Variants in CRTAP observed in about 807,000 individuals in gnomAD.
The protein encoded by CRTAP is cartilage associated protein.
CRTAP carries 33 observed loss-of-function variants against 42.7 expected under a neutral mutation model. The ratio of observed to expected loss-of-function variants is 0.77; its 90% CI spans 0.59 to 1.03. The LOEUF (loss-of-function observed/expected upper bound fraction) is 1.03, where lower values mean the gene tolerates loss of function less well. Ranked by LOEUF, CRTAP falls within the 50% of genes least tolerant of loss-of-function variation. CRTAP has a pLI of 0.00. For missense variants in CRTAP, 613 were observed against 533.9 expected (o/e 1.15, Z -1.46); for synonymous variants, 243 against 217.7 (o/e 1.12, Z -1.02).
chr3:33,132,461 G>C, intron 4 of CRTAP, 94 bp from the exon 5 acceptor site: 1 of 1,555,690 alleles, frequency 6.4e-7, no homozygotes, highest in South Asian at 1.1e-5. Flanking sequence ...CTGTGGAGAA[G>C]GGGCTTGTTC....
intron 3 of CRTAP, among the ~76,000 whole-genome samples, chr3:33,125,390 T>G (rs891245343): frequency 6.6e-6 from 1 of 151,712 alleles, no homozygotes; most frequent in Non-Finnish European, 1.5e-5. Context: ...TTAGAAATCC[T>G]GCAGTAGAGA....
At position 33,145,391 on chromosome 3, in the gene CRTAP, A is replaced by G. The variant is rs115684525; in HGVS notation, c.*2943A>G. ...TGCACCGTGTCCACAGCAGCCCCCAATCCCAGCGATGCGTCAGATCTTACG... is the reference window on the plus strand; with the variant it reads ...TGCACCGTGTCCACAGCAGCCCCCAGTCCCAGCGATGCGTCAGATCTTACG... On this transcript the variant is annotated 3_prime_UTR_variant, in exon 7 of 7. Coordinates refer to ENST00000320954, the MANE Select transcript of CRTAP (RefSeq NM_006371.5). This position sits in a 1 kb window ranked among gnomAD's most constrained non-coding sequence, Gnocchi z 4.3. The G allele has an allele frequency of 4.5e-3, 684 of 152,472 alleles. 5 individuals are homozygous for G. The highest frequency in any genetic ancestry group is 0.01 in the Middle Eastern group (3 of 294). 9.4% of individuals were successfully genotyped at this position (152,472 alleles called of 1,614,324 possible).
chr3:33,136,115 C>G (rs2030413071), intron 6 of CRTAP, among the ~76,000 whole-genome samples: 1 of 152,154 alleles, frequency 6.6e-6, no homozygotes, highest in African/African-American at 2.4e-5. Context: ...TGTGGATTTG[C>G]CTGTTGTGGA....
intron 3 of CRTAP, among the ~76,000 whole-genome samples, chr3:33,125,724 T>A (rs1252939457): frequency 6.6e-6 from 1 of 152,132 alleles, no homozygotes; most frequent in Non-Finnish European, 1.5e-5. Flanking sequence ...AATATTTCAG[T>A]ATATACCTTT....
intron 1 of CRTAP, 67 bp downstream of exon 1, chr3:33,114,615 C>T: frequency 1.4e-6 from 2 of 1,455,340 alleles, no homozygotes; most frequent in Non-Finnish European, 1.9e-6. Flanking sequence ...GCCCTAGCCC[C>T]GCCCCTGCGC....
intron 6 of CRTAP, 147 bp from the exon 7 acceptor site, chr3:33,142,248 G>A: frequency 1.4e-6 from 1 of 723,962 alleles, no homozygotes; most frequent in East Asian, 2.7e-5. Flanking sequence ...GGAGAAATCA[G>A]GTCCTCTGGG....
intron 1 of CRTAP, among the ~76,000 whole-genome samples, chr3:33,115,097 C>G (rs1479736623): frequency 3.9e-5 from 6 of 152,080 alleles, no homozygotes; most frequent in Non-Finnish European, 7.4e-5. Flanking sequence ...GCGCGCGCCA[C>G]CACACCTAGC....
At chr3:33,116,841 C>G (rs532487336) in intron 1 of CRTAP, among the ~76,000 whole-genome samples, 17 of 152,248 alleles carry the variant, frequency 1.1e-4, no homozygotes, top group African/African-American at 3.9e-4. Context: ...CATGATGGCT[C>G]ATGCCTATAA....
chr3:33,116,228 G>A (rs1701341918), intron 1 of CRTAP, among the ~76,000 whole-genome samples: 1 of 152,180 alleles, frequency 6.6e-6, no homozygotes. Context: ...TGACCAAAAG[G>A]CATGGGTTTT....
At position 33,145,398 on chromosome 3, in the gene CRTAP, C is replaced by T. The variant is rs564298659; in HGVS notation, c.*2950C>T. ...TGTCCACAGCAGCCCCCAATCCCAG[C>T]GATGCGTCAGATCTTACGTGGCTTC... On this transcript the variant is annotated 3_prime_UTR_variant, in exon 7 of 7. Transcript: ENST00000320954. This position sits in a 1 kb window ranked among gnomAD's most constrained non-coding sequence, Gnocchi z 4.3. 21 of 152,526 alleles carry T rather than the reference C, an allele frequency of 1.4e-4. No homozygotes were observed. Among genetic ancestry groups the T allele is most frequent in the East Asian group, 3.9e-4 (2 of 5,180 alleles). 9.4% of individuals were successfully genotyped at this position (152,526 alleles called of 1,614,324 possible). A position where few individuals can be genotyped will look rare whatever the true frequency, so the allele number is the denominator to read the frequency against.
intron 2 of CRTAP, among the ~76,000 whole-genome samples, chr3:33,122,600 T>G (rs34429545): frequency 0.3 from 44,407 of 150,212 alleles, 7,014 homozygotes; most frequent in African/African-American, 0.42. Flanking sequence ...TCCTAGCTAC[T>G]CGGGAGACTG....
intron 2 of CRTAP, 58 bp downstream of exon 2, chr3:33,120,551 T>C: frequency 6.4e-7 from 1 of 1,556,042 alleles, no homozygotes; most frequent in Non-Finnish European, 8.7e-7. Context: ...AAGAAATGTC[T>C]CTCCATAAGC....
chr3:33,130,525 CTTTTTTTT>C (rs765558103), intron 4 of CRTAP, among the ~76,000 whole-genome samples: 6 of 55,226 alleles, frequency 1.1e-4, no homozygotes, highest in Non-Finnish European at 1.2e-4. Flanking sequence ...CTTTTCTTTT[CTTTTTTTT>C]TTTTTTTTTT....
chr3:33,133,448 G>A (rs2030330362), intron 5 of CRTAP, among the ~76,000 whole-genome samples: 1 of 151,936 alleles, frequency 6.6e-6, no homozygotes, highest in Admixed American at 6.6e-5. Flanking sequence ...TAGTAGAGAT[G>A]GGGTTTCGCT....
chr3:33,126,162 C>T (rs963159330), intron 3 of CRTAP, among the ~76,000 whole-genome samples: 5 of 152,198 alleles, frequency 3.3e-5, no homozygotes, highest in African/African-American at 4.8e-5. Flanking sequence ...AACCTTTCTA[C>T]TTTCTGTCTT....
chr3:33,124,629 A>T, intron 3 of CRTAP, 50 bp downstream of exon 3: 1 of 1,607,090 alleles, frequency 6.2e-7, no homozygotes. Flanking sequence ...AGTCTTCCTT[A>T]GATGTCTGGT....
rs140878142 is a variant in CRTAP, at chr3:33,121,956, G to A, written c.621+1463G>A. On this transcript the variant is annotated intron_variant, in intron 2 of 6. Coordinates refer to ENST00000320954, the MANE Select transcript of CRTAP (RefSeq NM_006371.5). The stretch of plus-strand genomic sequence containing the variant: ...GCCTCCCGTGGTCCCTCATGCCTGC[G>A]CATGCCAATGGGACATATAGCTTGC... 3.1e-3 allele frequency among the ~76,000 whole-genome samples: 479 copies of A among 152,074 alleles called. 3 individuals carry two copies. The highest frequency in any genetic ancestry group is 0.011 in the African/African-American group (449 of 41,480).
chr3:33,120,341 T>C lies in CRTAP; in HGVS notation c.472-3T>C. The C allele has an allele frequency of 1.9e-6, 3 of 1,613,954 alleles. No individual in the cohort carries two copies. In the East Asian group the frequency reaches 6.7e-5, roughly 36 times the overall value. On this transcript the variant is annotated splice_region_variant and splice_polypyrimidine_tract_variant and intron_variant, in intron 1 of 6. Coordinates refer to ENST00000320954, the MANE Select transcript of CRTAP (RefSeq NM_006371.5). ...GTAGCTTTTATGTTCTTTGTCCTTT[T>C]AGGCAAATAATCTCCCCAAAGCCAT... is the stretch of plus-strand genomic sequence containing the variant.
intron 6 of CRTAP, 95 bp from the exon 7 acceptor site, chr3:33,142,300 A>G: frequency 8.5e-7 from 1 of 1,170,618 alleles, no homozygotes; most frequent in Non-Finnish European, 1.3e-6. Flanking sequence ...CAAAGCAGAC[A>G]GTGGTGATGG....
Sources: gnomAD v4.1 joint callset for allele counts (sites outside exome capture counted in the v4.1 genomes callset) on GRCh38, gnomAD v4.1.1 for gene constraint, Gnocchi (gnomAD v3.1) non-coding constraint, MANE v1.5 for transcripts, NCBI Gene and HGNC (gene_info 2026-07-23, HGNC 2026-07-21) for gene names.